Variants in SLC22A15 observed in about 807,000 individuals in gnomAD.
SLC22A15 encodes the protein solute carrier family 22 member 15.
SLC22A15 carries 45 observed loss-of-function variants against 62.7 expected under a neutral mutation model. That is an observed-to-expected ratio of 0.72 (90% CI 0.56 to 0.92). SLC22A15 has a LOEUF of 0.92. Among genes scored for constraint, SLC22A15 ranks in the 40% least tolerant of loss-of-function variants. The probability of loss-of-function intolerance (pLI) is 0.00; values close to 1 mark genes in which losing one functional copy is unlikely to be tolerated. For missense variants in SLC22A15, 622 were observed against 665.6 expected (o/e 0.93, Z 0.72); for synonymous variants, 264 against 267.0 (o/e 0.99, Z 0.11).
intron 1 of SLC22A15, among the ~76,000 whole-genome samples, 196 bp downstream of exon 1, chr1:115,976,910 C>G (rs995169452): frequency 6.6e-6 from 1 of 152,056 alleles, no homozygotes; most frequent in East Asian, 1.9e-4. Context: ...GTCAAGGTCG[C>G]CGGCCGGCCT....
At chr1:115,997,244 G>C (rs1432352643) in intron 2 of SLC22A15, among the ~76,000 whole-genome samples, 1 of 151,986 alleles carries the variant, frequency 6.6e-6, no homozygotes, top group Non-Finnish European at 1.5e-5. Flanking sequence ...TTTTGTTGTT[G>C]TTGTTGTTGT....
At chr1:116,010,629 A>T (rs1003100641) in intron 2 of SLC22A15, among the ~76,000 whole-genome samples, 1 of 152,326 alleles carries the variant, frequency 6.6e-6, no homozygotes, top group East Asian at 1.9e-4. Flanking sequence ...ATTTTCATGT[A>T]CAAAGTTGTA....
intron 2 of SLC22A15, among the ~76,000 whole-genome samples, chr1:116,005,325 C>T (rs1655925014): frequency 6.6e-6 from 1 of 151,984 alleles, no homozygotes; most frequent in East Asian, 1.9e-4. Flanking sequence ...CCAAGTTCAT[C>T]TTGTACCTCT....
At chr1:116,023,518 G>T (rs1413535870) in intron 4 of SLC22A15, among the ~76,000 whole-genome samples, 1 of 152,090 alleles carries the variant, frequency 6.6e-6, no homozygotes, top group Non-Finnish European at 1.5e-5. Context: ...CTTTTCCTTT[G>T]CATGTCTATT....
chr1:116,024,999 C>CT lies in SLC22A15; in HGVS notation c.599-1884dup, dbSNP rs537278399. 5.7e-3 allele frequency among the ~76,000 whole-genome samples: 839 copies of CT among 147,448 alleles called. 5 individuals are homozygous for CT. Among genetic ancestry groups the CT allele is most frequent in the Admixed American group, 0.011 (169 of 14,778 alleles). On this transcript the variant is annotated intron_variant, in intron 4 of 11. Transcript: ENST00000369503. ...GATTCAACAGGAGGCTTTCAGATGG[C>CT]TTTTTTTTTTGAGGTTAATAAATAG...
intron 2 of SLC22A15, among the ~76,000 whole-genome samples, chr1:116,002,297 T>G (rs185308380): frequency 1.1e-3 from 161 of 152,298 alleles, no homozygotes; most frequent in African/African-American, 3.7e-3. Context: ...ACACATGAAG[T>G]TGGCATAGTA....
At position 116,068,110 on chromosome 1, in the gene SLC22A15, C is replaced by G. The variant is rs1439233265; in HGVS notation, c.*1002C>G. 1 of 152,604 alleles carries G rather than the reference C, an allele frequency of 6.6e-6. No homozygotes were observed. Among genetic ancestry groups the G allele is most frequent in the Non-Finnish European group, 1.5e-5 (1 of 68,036 alleles). 9.5% of individuals were successfully genotyped at this position (152,604 alleles called of 1,614,324 possible). ...AAGAACTTCTTGTCCTAGATCAGCC[C>G]CAATCTGTTTAATCAAAATGGAAGG... On this transcript the variant is annotated 3_prime_UTR_variant, in exon 12 of 12. Transcript: ENST00000369503.
chr1:116,066,630 A>T lies in SLC22A15; in HGVS notation c.1476A>T (p.Thr492=). 1.2e-6 allele frequency: 2 copies of T among 1,612,124 alleles called. No individual in the cohort carries two copies. The highest frequency in any genetic ancestry group is 1.7e-6 in the Non-Finnish European group (2 of 1,179,244). ...PETLNSPLLE[T]FSDLQVYSYR... is the part of the protein sequence containing the mutation. ...CCCTTAACAGTCCGCTGCTAGAAACATTCTCCGACCTTCAGGTGTATTCGT... is the reference window on the plus strand; with the variant it reads ...CCCTTAACAGTCCGCTGCTAGAAACTTTCTCCGACCTTCAGGTGTATTCGT... The change falls in exon 11 of 12, where the codon ACA becomes ACT. Residue 492 remains threonine, a synonymous_variant. Transcript: ENST00000369503.
chr1:116,008,081 G>C (rs949070785), intron 2 of SLC22A15, among the ~76,000 whole-genome samples: 3 of 152,206 alleles, frequency 2.0e-5, no homozygotes, highest in Non-Finnish European at 4.4e-5. Context: ...GCCAATGGGA[G>C]TATGCCTTGG....
chr1:115,998,197 G>A (rs1200914150), intron 2 of SLC22A15, among the ~76,000 whole-genome samples: 1 of 152,050 alleles, frequency 6.6e-6, no homozygotes, highest in Non-Finnish European at 1.5e-5. Flanking sequence ...ATTTTGTTGA[G>A]AATTTTTGCA....
chr1:116,064,020 G>A (rs530276726), intron 9 of SLC22A15, among the ~76,000 whole-genome samples: 2 of 152,170 alleles, frequency 1.3e-5, no homozygotes, highest in South Asian at 2.1e-4. Flanking sequence ...CAGTCTGTAG[G>A]AGATCTAAGG....
chr1:116,053,567 C>T (rs533981136), intron 8 of SLC22A15, among the ~76,000 whole-genome samples: 54 of 152,282 alleles, frequency 3.5e-4, no homozygotes, highest in African/African-American at 1.2e-3. Context: ...CACTAAAATA[C>T]TCCTCGAGAA....
intron 1 of SLC22A15, among the ~76,000 whole-genome samples, chr1:115,978,203 C>T (rs968617470): frequency 4.6e-5 from 7 of 152,180 alleles, no homozygotes; most frequent in Non-Finnish European, 1.0e-4. Context: ...CTCCCCATCC[C>T]TCTATCCCTA....
intron 8 of SLC22A15, among the ~76,000 whole-genome samples, chr1:116,054,010 A>C (rs561683014): frequency 5.9e-5 from 9 of 152,282 alleles, no homozygotes; most frequent in South Asian, 2.1e-4. Flanking sequence ...TGAGCAAAAT[A>C]ACCAGCTAAC....
intron 2 of SLC22A15, among the ~76,000 whole-genome samples, chr1:116,000,462 A>G (rs1184812165): frequency 6.6e-6 from 1 of 151,896 alleles, no homozygotes; most frequent in African/African-American, 2.4e-5. Flanking sequence ...TTTCTTACAA[A>G]GTTGTTCTAA....
At chr1:116,054,430 A>T (rs1157490533) in intron 8 of SLC22A15, among the ~76,000 whole-genome samples, 2 of 151,864 alleles carry the variant, frequency 1.3e-5, no homozygotes, top group African/African-American at 4.8e-5. Context: ...CTACAAAGAG[A>T]CTTAGACTCC....
intron 2 of SLC22A15, among the ~76,000 whole-genome samples, chr1:115,998,621 T>G (rs1350781243): frequency 6.6e-6 from 1 of 152,166 alleles, no homozygotes; most frequent in African/African-American, 2.4e-5. Flanking sequence ...ATTTCTGTTG[T>G]GTCAGTTTTA....
At chr1:116,026,805 AG>A in intron 4 of SLC22A15, 87 bp from the exon 5 acceptor site, 1 of 1,531,694 alleles carries the variant, frequency 6.5e-7, no homozygotes, top group Non-Finnish European at 8.9e-7. Context: ...ACATCTCACC[AG>A]GAAGAAATTG....
At chr1:115,998,566 T>G (rs2101124726) in intron 2 of SLC22A15, among the ~76,000 whole-genome samples, 1 of 152,312 alleles carries the variant, frequency 6.6e-6, no homozygotes, top group South Asian at 2.1e-4. Context: ...GTTTTCCAAC[T>G]TATTGGCATA....
Sources: gnomAD v4.1 joint callset for allele counts (sites outside exome capture counted in the v4.1 genomes callset) on GRCh38, gnomAD v4.1.1 for gene constraint, MANE v1.5 for transcripts, NCBI Gene and HGNC (gene_info 2026-07-23, HGNC 2026-07-21) for gene names.